NCAM1: variants seen among roughly 807,000 people sequenced by gnomAD.
The protein encoded by NCAM1 is neural cell adhesion molecule 1.
Under a neutral mutation model 109.8 loss-of-function variants are expected in NCAM1, and 14 were observed. The ratio of observed to expected loss-of-function variants is 0.13; its 90% CI spans 0.08 to 0.20. NCAM1 has a LOEUF of 0.20. Among genes scored for constraint, NCAM1 ranks in the 10% least tolerant of loss-of-function variants. The pLI, the probability that NCAM1 is intolerant of heterozygous loss-of-function variation, is 1.00. For missense variants in NCAM1, 774 were observed against 1,109.9 expected (o/e 0.70, Z 4.30); for synonymous variants, 418 against 442.9 (o/e 0.94, Z 0.70).
chr11:113,071,586 C>T (rs782720955), intron 1 of NCAM1, among the ~76,000 whole-genome samples: 3 of 152,002 alleles, frequency 2.0e-5, no homozygotes, highest in Non-Finnish European at 2.9e-5. Flanking sequence ...CCATGGCACC[C>T]GGCTAATTTT....
intron 1 of NCAM1, among the ~76,000 whole-genome samples, chr11:112,965,813 A>C (rs189166430): frequency 6.6e-6 from 1 of 152,292 alleles, no homozygotes; most frequent in Non-Finnish European, 1.5e-5. Flanking sequence ...GTCCTTTCTG[A>C]CTTAGTGTAA....
intron 1 of NCAM1, among the ~76,000 whole-genome samples, chr11:113,056,337 G>A (rs1412764189): frequency 1.3e-5 from 2 of 151,686 alleles, no homozygotes; most frequent in African/African-American, 4.8e-5. Flanking sequence ...TCGATAATAC[G>A]GTAAGGAAAT....
chr11:113,185,522 G>C (rs544192682), intron 1 of NCAM1, among the ~76,000 whole-genome samples: 3 of 152,044 alleles, frequency 2.0e-5, no homozygotes, highest in Non-Finnish European at 4.4e-5. Context: ...CAGGAAAATT[G>C]ATGCATAAAA....
In NCAM1 at chr11:112,998,747, C is replaced by T. The variant is rs138396240; in HGVS notation, c.52+37083C>T. Among the ~76,000 whole-genome samples, 208 of 152,204 alleles carry T rather than the reference C, an allele frequency of 1.4e-3. 2 individuals are homozygous for T. The highest frequency in any genetic ancestry group is 4.8e-3 in the African/African-American group (201 of 41,538). On this transcript the variant is annotated intron_variant, in intron 1 of 19. Transcript: ENST00000316851. ...TCTACCCTATTCTTACCATAAATTC[C>T]GAATGTCTTTCATACACACACGATT...
chr11:113,138,304 C>G (rs1376945620), intron 1 of NCAM1, among the ~76,000 whole-genome samples: 6 of 152,192 alleles, frequency 3.9e-5, no homozygotes, highest in Admixed American at 3.3e-4. Context: ...TTGAATTTGT[C>G]TGGCCCAGCT....
At chr11:113,101,843 A>G (rs9326240) in intron 1 of NCAM1, among the ~76,000 whole-genome samples, 11,112 of 152,214 alleles carry the variant, frequency 0.073, 776 homozygotes, top group Admixed American at 0.17. Flanking sequence ...TGGCCTTGCT[A>G]TTTCCCAAGA....
intron 1 of NCAM1, among the ~76,000 whole-genome samples, chr11:113,046,901 A>C (rs1953288674): frequency 6.6e-6 from 1 of 151,936 alleles, no homozygotes; most frequent in Non-Finnish European, 1.5e-5. Context: ...AAAGGAAGAA[A>C]GGAAGAAAGA....
chr11:113,130,085 C>T (rs1379743535), intron 1 of NCAM1, among the ~76,000 whole-genome samples: 5 of 152,144 alleles, frequency 3.3e-5, no homozygotes, highest in Admixed American at 2.0e-4. Context: ...ACATAGAAGA[C>T]AGGCTTTGCC....
chr11:113,026,157 G>T (rs1952539569), intron 1 of NCAM1, among the ~76,000 whole-genome samples: 1 of 152,078 alleles, frequency 6.6e-6, no homozygotes, highest in Non-Finnish European at 1.5e-5. Flanking sequence ...AAAACTCCAG[G>T]GCCTTCTTAG....
At chr11:113,218,670 C>A (rs1944598648) in intron 8 of NCAM1, among the ~76,000 whole-genome samples, 1 of 152,126 alleles carries the variant, frequency 6.6e-6, no homozygotes. Context: ...TGAGAATGAC[C>A]ATTACCAATC....
chr11:113,265,816 G>T (rs116616694), intron 17 of NCAM1, among the ~76,000 whole-genome samples: 2,832 of 152,214 alleles, frequency 0.019, 105 homozygotes, highest in African/African-American at 0.065. Context: ...GGGTCTCATG[G>T]CACAAGGACT....
intron 1 of NCAM1, among the ~76,000 whole-genome samples, chr11:113,012,308 T>C (rs2135135446): frequency 6.6e-6 from 1 of 152,246 alleles, no homozygotes; most frequent in African/African-American, 2.4e-5. Context: ...TTTTCCACTG[T>C]GCCCGGCTGG....
chr11:113,162,575 G>C (rs1942635979), intron 1 of NCAM1, among the ~76,000 whole-genome samples: 1 of 152,112 alleles, frequency 6.6e-6, no homozygotes, highest in South Asian at 2.1e-4. Flanking sequence ...CACTCTTCTA[G>C]AACAAATAAC....
At chr11:113,053,322 G>T (rs1457791765) in intron 1 of NCAM1, among the ~76,000 whole-genome samples, 2 of 152,070 alleles carry the variant, frequency 1.3e-5, no homozygotes, top group Non-Finnish European at 2.9e-5. Flanking sequence ...TGGGCATTTG[G>T]GTTGATTCCA....
intron 11 of NCAM1, 111 bp from the exon 12 acceptor site, chr11:113,232,607 A>C: frequency 1.1e-6 from 1 of 949,012 alleles, no homozygotes; most frequent in East Asian, 2.5e-5. Flanking sequence ...GGAGCTAATG[A>C]TTTATACTTT....
rs199895300 is a variant in NCAM1 at position 112,961,559 on chromosome 11, G to T, written c.-54G>T. ...CCGCCGTCCACACTCGCTGCAGGGG[G>T]GGGGGCACAGAATTTACCGCGGCAA... is the stretch of plus-strand genomic sequence containing the variant. On this transcript the variant is annotated 5_prime_UTR_variant, in exon 1 of 20. Coordinates refer to ENST00000316851, the MANE Select transcript of NCAM1 (RefSeq NM_181351.5). The T allele has an allele frequency of 6.9e-5, 78 of 1,136,728 alleles. No homozygotes were observed. Among genetic ancestry groups the T allele is most frequent in the Non-Finnish European group, 1.0e-4 (75 of 745,630 alleles). 70.4% of individuals were successfully genotyped at this position (1,136,728 alleles called of 1,614,324 possible). A position where few individuals can be genotyped will look rare whatever the true frequency, so the allele number is the denominator to read the frequency against.
intron 1 of NCAM1, among the ~76,000 whole-genome samples, chr11:113,177,118 G>A (rs1943177479): frequency 6.6e-6 from 1 of 152,194 alleles, no homozygotes; most frequent in Admixed American, 6.5e-5. Context: ...CATATCCTGG[G>A]ATGTGTTTTT....
chr11:113,122,003 G>A (rs1323098132), intron 1 of NCAM1, among the ~76,000 whole-genome samples: 1 of 152,196 alleles, frequency 6.6e-6, no homozygotes, highest in Non-Finnish European at 1.5e-5. Flanking sequence ...GCTCGGTGTG[G>A]ATGGAATCAG....
chr11:113,156,643 G>A (rs577660492), intron 1 of NCAM1, among the ~76,000 whole-genome samples: 1 of 152,242 alleles, frequency 6.6e-6, no homozygotes, highest in East Asian at 1.9e-4. Flanking sequence ...TTGAGGTCTA[G>A]GGAAGACTTA....
Sources: gnomAD v4.1 joint callset for allele counts (sites outside exome capture counted in the v4.1 genomes callset) on GRCh38, gnomAD v4.1.1 for gene constraint, MANE v1.5 for transcripts, NCBI Gene and HGNC (gene_info 2026-07-23, HGNC 2026-07-21) for gene names.